The following VPS13B variants were observed in gnomAD, a reference collection of about 807,000 sequenced individuals.
VPS13B encodes the protein intermembrane lipid transfer protein VPS13B.
A neutral mutation model predicts 426.4 loss-of-function variants in VPS13B; 285 were observed. That is an observed-to-expected ratio of 0.67 (90% confidence interval 0.61 to 0.74). The LOEUF (loss-of-function observed/expected upper bound fraction) is 0.74, where lower values mean the gene tolerates loss of function less well. Ranked by LOEUF, VPS13B falls within the 30% of genes least tolerant of loss-of-function variation. The pLI, the probability that VPS13B is intolerant of heterozygous loss-of-function variation, is 0.00. For missense variants in VPS13B, 4,537 were observed against 4,782.6 expected (o/e 0.95, Z 1.51); for synonymous variants, 1,676 against 1,676.4 (o/e 1.00, Z 0.01).
At chr8:99,699,412 G>T in intron 35 of VPS13B, 113 bp from the exon 36 acceptor site, 1 of 1,130,972 alleles carries the variant, frequency 8.8e-7, no homozygotes, top group Non-Finnish European at 1.3e-6. Flanking sequence ...GCATCCTAAT[G>T]AGTCCATAAT....
chr8:99,580,666 A>G (rs1025419175), intron 33 of VPS13B, among the ~76,000 whole-genome samples: 5 of 151,684 alleles, frequency 3.3e-5, no homozygotes, highest in African/African-American at 1.2e-4. Context: ...CCTGGGCAGG[A>G]TAGTGAGTCC....
intron 26 of VPS13B, 60 bp from the exon 27 acceptor site, chr8:99,502,776 G>A (rs1223243755): frequency 7.9e-7 from 1 of 1,272,112 alleles, no homozygotes; most frequent in Non-Finnish European, 1.1e-6. Flanking sequence ...ATGTAAAATA[G>A]AAAGTTTTAA....
chr8:99,760,738 T>G (rs1179701734), intron 39 of VPS13B, among the ~76,000 whole-genome samples: 1 of 152,236 alleles, frequency 6.6e-6, no homozygotes, highest in Non-Finnish European at 1.5e-5. Flanking sequence ...TCTACCTCCA[T>G]GGATTCAGCC....
chr8:99,285,037 A>G (rs1384119526), intron 19 of VPS13B, among the ~76,000 whole-genome samples: 1 of 152,164 alleles, frequency 6.6e-6, no homozygotes, highest in Non-Finnish European at 1.5e-5. Context: ...TTGAAAATGT[A>G]AGGTTTTTCT....
intron 54 of VPS13B, among the ~76,000 whole-genome samples, chr8:99,840,716 A>G (rs1390103965): frequency 1.3e-5 from 2 of 152,096 alleles, no homozygotes; most frequent in African/African-American, 4.8e-5. Context: ...GCCTTGATGA[A>G]CCAGGACTCA....
intron 43 of VPS13B, among the ~76,000 whole-genome samples, chr8:99,787,254 A>G (rs1323611716): frequency 3.9e-5 from 6 of 152,178 alleles, no homozygotes; most frequent in Admixed American, 6.6e-5. Flanking sequence ...AGAGGTTGCT[A>G]ACAACAGTAA....
intron 61 of VPS13B, among the ~76,000 whole-genome samples, chr8:99,872,833 CTGTT>C (rs995983370): frequency 6.6e-6 from 1 of 152,134 alleles, no homozygotes; most frequent in African/African-American, 2.4e-5. Context: ...CTTCACGCCA[CTGTT>C]TGGGTAAAAT....
At chr8:99,102,121 TG>T (rs1394948674) in intron 4 of VPS13B, among the ~76,000 whole-genome samples, 1 of 152,154 alleles carries the variant, frequency 6.6e-6, no homozygotes, top group Admixed American at 6.5e-5. Context: ...CTCAGTAGCA[TG>T]AAATTAAAAG....
In VPS13B at chr8:99,819,524, T is replaced by C. The variant is rs747794541; in HGVS notation, c.8734T>C (p.Tyr2912His). 3.1e-6 allele frequency: 5 copies of C among 1,613,778 alleles called. No individual in the cohort carries two copies. The South Asian group carries it at 5.5e-5, about 18-fold the overall frequency. Residue 2912 changes from tyrosine (Y) to histidine (H), a missense_variant, in exon 48 of 62, where the codon TAT becomes CAT. Physicochemically the swap from Tyr to His is moderately conservative, Grantham distance 83. Coordinates refer to ENST00000357162, the MANE Select transcript of VPS13B (RefSeq NM_152564.5). ...AGTTAATCAGATCCTTGACGAATTCTATGGGCCAGAAAAGTCGCTTCAACC... is the reference window on the plus strand; with the variant it reads ...AGTTAATCAGATCCTTGACGAATTCCATGGGCCAGAAAAGTCGCTTCAACC... ...GTVNQILDEF[Y>H]GPEKSLQPIW...
chr8:99,833,720 T>A (rs1468960872), intron 52 of VPS13B, among the ~76,000 whole-genome samples: 1 of 152,192 alleles, frequency 6.6e-6, no homozygotes, highest in Non-Finnish European at 1.5e-5. Flanking sequence ...AAAACAAAAT[T>A]TGAAACAAAA....
rs117032065 is a variant in VPS13B at position 99,786,020 on chromosome 8, A to G, written c.7941+1544A>G. Among the ~76,000 whole-genome samples, 22 of 152,284 alleles carry G rather than the reference A, an allele frequency of 1.4e-4. No homozygotes were observed. In the East Asian group the frequency reaches 4.2e-3, roughly 29 times the overall value. ...AGCTTAACTCTCCAGTCATTTGAAG[A>G]TGCATAGCTTGCATATCCCTCAGAG... On this transcript the variant is annotated intron_variant, in intron 43 of 61. Transcript: ENST00000357162.
At chr8:99,444,252 C>T (rs1264110932) in intron 23 of VPS13B, among the ~76,000 whole-genome samples, 1 of 152,068 alleles carries the variant, frequency 6.6e-6, no homozygotes, top group Admixed American at 6.5e-5. Flanking sequence ...GCACTTGCCA[C>T]CACACCCAGG....
At chr8:99,440,124 T>A (rs1009335092) in intron 22 of VPS13B, among the ~76,000 whole-genome samples, 2 of 152,178 alleles carry the variant, frequency 1.3e-5, no homozygotes, top group Admixed American at 1.3e-4. Flanking sequence ...ATGTGTTCAG[T>A]ATTGGCAAAA....
chr8:99,853,780 T>C lies in VPS13B; in HGVS notation c.10391T>C (p.Ile3464Thr). The C allele has an allele frequency of 6.2e-7, 1 of 1,614,254 alleles. No homozygotes were observed. Among genetic ancestry groups the C allele is most frequent in the Non-Finnish European group, 8.5e-7 (1 of 1,180,046 alleles). The change falls in exon 56 of 62, where the codon ATA becomes ACA. Residue 3464 changes from isoleucine to threonine, a missense_variant. By Grantham distance (89) the Ile-to-Thr change is moderately conservative. Coordinates refer to ENST00000357162, the MANE Select transcript of VPS13B (RefSeq NM_152564.5). The part of the protein sequence containing the change: ...IQCSKMQSLL[I>T]SNKELEEYKE... ...TGTTCCAAAATGCAGAGTCTCCTCA[T>C]ATCCAACAAAGAGTTGGAAGAATAC...
intron 36 of VPS13B, among the ~76,000 whole-genome samples, chr8:99,716,363 A>G (rs1832921151): frequency 6.6e-6 from 1 of 152,152 alleles, no homozygotes; most frequent in African/African-American, 2.4e-5. Context: ...AGCCATGGGC[A>G]TTACAAACGT....
In VPS13B at chr8:99,135,063, G is replaced by A. The variant is rs1462483099; in HGVS notation, c.1351G>A (p.Gly451Ser). 1 of 1,613,560 alleles carries A rather than the reference G, an allele frequency of 6.2e-7. No homozygotes were observed. Among genetic ancestry groups the A allele is most frequent in the Non-Finnish European group, 8.5e-7 (1 of 1,179,640 alleles). ...CTTTGATTGCCAGATTGGGTTTGTT[G>A]GTTGCAGAGCCATGTGCCTTAAAGG... The part of the protein sequence containing the change: ...PFFDCQIGFV[G>S]CRAMCLKGIM... The change falls in exon 10 of 62, where the codon GGT (glycine) becomes AGT (serine). Residue 451 changes from glycine to serine, a missense_variant. Physicochemically the swap from Gly to Ser is moderately conservative, Grantham distance 56. Transcript: ENST00000357162.
At chr8:99,040,696 G>A (rs1228623574) in intron 3 of VPS13B, among the ~76,000 whole-genome samples, 2 of 152,030 alleles carry the variant, frequency 1.3e-5, no homozygotes, top group South Asian at 2.1e-4. Flanking sequence ...AAGAAAAGAC[G>A]TATTTTCTAA....
chr8:99,480,145 A>G (rs186569754), intron 24 of VPS13B, among the ~76,000 whole-genome samples: 3 of 152,312 alleles, frequency 2.0e-5, no homozygotes, highest in Non-Finnish European at 2.9e-5. Context: ...AACTTGAAGG[A>G]TAAAAGTTGA....
chr8:99,134,660 A>G lies in VPS13B; in HGVS notation c.1235A>G (p.Tyr412Cys). The G allele has an allele frequency of 6.2e-7, 1 of 1,609,902 alleles. No homozygotes were observed. The highest frequency in any genetic ancestry group is 1.1e-5 in the South Asian group (1 of 89,964). Residue 412 changes from tyrosine (Y) to cysteine (C), a missense_variant, in exon 9 of 62, where the codon TAT becomes TGT. By Grantham distance (194) the Tyr-to-Cys change is radical. Around this residue, in one of 2 missense-constraint regions of VPS13B, gnomAD observed 4,311 missense variants for 4,474.3 expected, o/e 0.96. Coordinates refer to ENST00000357162, the MANE Select transcript of VPS13B (RefSeq NM_152564.5). ...ACAGAAATGCAAGTTGAGAGTAGTT[A>G]TTACAGTCCACAGAAAGTAAAATCT... ...KLTEMQVESS[Y>C]YSPQKVKSKE...
Sources: gnomAD v4.1 joint callset for allele counts (sites outside exome capture counted in the v4.1 genomes callset) on GRCh38, gnomAD v4.1.1 for gene constraint, gnomAD v4.1.1 regional missense constraint, MANE v1.5 for transcripts, NCBI Gene and HGNC (gene_info 2026-07-23, HGNC 2026-07-21) for gene names.